Variants in PLEC observed in about 807,000 individuals in gnomAD.
PLEC encodes hemidesmosomal protein 1.
A neutral mutation model predicts 392.8 loss-of-function variants in PLEC; 216 were observed. That is an observed-to-expected ratio of 0.55 (90% CI 0.49 to 0.62). PLEC has a LOEUF of 0.62. PLEC is among the 20% of genes least tolerant of loss of function. PLEC has a pLI of 0.00. For synonymous variants in PLEC, 3,621 were observed against 2,980.6 expected (o/e 1.21, Z -7.00); for missense variants, 6,863 against 6,563.4 (o/e 1.05, Z -1.58).
At chr8:143,953,910 A>G, upstream of PLEC, 1 of 1,469,192 alleles carries the variant, frequency 6.8e-7, no homozygotes, top group Non-Finnish European at 9.0e-7. Flanking sequence ...GCGGGGCTTC[A>G]GCTGATCAAT....
chr8:143,938,621 C>A lies in PLEC; in HGVS notation c.174+10G>T. The A allele has an allele frequency of 1.2e-6, 2 of 1,606,088 alleles. No individual in the cohort carries two copies. Among genetic ancestry groups the A allele is most frequent in the Middle Eastern group, 1.7e-4 (1 of 6,034 alleles). ...AGCCCCTGTGACACGCACCAGCATG[C>A]GCCACCAACCTTGATGAGGTGCTTG... On this transcript the variant is annotated intron_variant, in intron 2 of 31. Coordinates refer to ENST00000345136, the MANE Select transcript of PLEC (RefSeq NM_201384.3).
Position 143,916,204 on chromosome 8 carries a change from C to T in PLEC, c.13617G>A (p.Leu4539=). ...AGGCCACGGCAGACTCAGGGCCCCCCAGGGAGGCCGAGGACCCCGAGGCGT... is the reference window on the plus strand; with the variant it reads ...AGGCCACGGCAGACTCAGGGCCCCCTAGGGAGGCCGAGGACCCCGAGGCGT... The part of the protein sequence containing the change: ...RRYASGSSAS[L]GGPESAVA The change falls in exon 32 of 32, where the codon CTG becomes CTA. Residue 4539 remains leucine (L), a synonymous_variant. Coordinates refer to ENST00000345136, the MANE Select transcript of PLEC (RefSeq NM_201384.3). 6.5e-7 allele frequency: 1 copy of T among 1,544,068 alleles called. No homozygotes were observed. The highest frequency in any genetic ancestry group is 8.7e-7 in the Non-Finnish European group (1 of 1,144,678).
intron 1 of PLEC, chr8:143,946,263 G>A (rs1267375786): frequency 6.9e-6 from 7 of 1,014,350 alleles, no homozygotes; most frequent in East Asian, 6.0e-5. Context: ...GGCACAGAAC[G>A]GTGGACAACG....
intron 1 of PLEC, among the ~76,000 whole-genome samples, chr8:143,971,683 C>T (rs1029792793): frequency 2.0e-5 from 3 of 152,170 alleles, no homozygotes; most frequent in Admixed American, 1.3e-4. Flanking sequence ...GGTGTGCTCA[C>T]GGAGCCTCAG....
rs782639127 is a variant in PLEC at position 143,923,111 on chromosome 8, ATCT to A, written c.6815_6817del (p.Lys2272del). 6 of 1,604,986 alleles carry A rather than the reference ATCT, an allele frequency of 3.7e-6. No individual in the cohort carries two copies. The highest frequency in any genetic ancestry group is 5.1e-6 in the Non-Finnish European group (6 of 1,179,776). On this transcript the variant is annotated inframe_deletion, in exon 31 of 32. Coordinates refer to ENST00000345136, the MANE Select transcript of PLEC (RefSeq NM_201384.3). Reference sequence around the variant, plus strand: ...CGCGGCCTCCTCCGCCACCTGCTTCATCTTCTCAGCCTCCTCCTGCAGGAAGCG... The same window carrying A: ...CGCGGCCTCCTCCGCCACCTGCTTCATCTCAGCCTCCTCCTGCAGGAAGCG...
chr8:143,932,244 G>A lies in PLEC; in HGVS notation c.1978-10C>T, dbSNP rs1426908459. On this transcript the variant is annotated splice_polypyrimidine_tract_variant and intron_variant, in intron 16 of 31. Coordinates refer to ENST00000345136, the MANE Select transcript of PLEC (RefSeq NM_201384.3). ...GCTCCCGCATCAGCGCCTGGCACCAGAGCAAAGGGTCTCAGGGACGGCCGG... is the reference window on the plus strand; with the variant it reads ...GCTCCCGCATCAGCGCCTGGCACCAAAGCAAAGGGTCTCAGGGACGGCCGG... The A allele has an allele frequency of 6.2e-7, 1 of 1,611,818 alleles. No individual in the cohort carries two copies. The highest frequency in any genetic ancestry group is 1.3e-5 in the African/African-American group (1 of 74,914).
chr8:143,937,197 G>A lies in PLEC; in HGVS notation c.310C>T (p.Gln104Ter). Residue 104 changes from glutamine (Q) to a stop codon, truncating the protein, a stop_gained, in exon 4 of 32, where the codon CAG becomes TAG. Coordinates refer to ENST00000345136, the MANE Select transcript of PLEC (RefSeq NM_201384.3). LOFTEE classifies it high-confidence loss of function. The part of the protein sequence containing the change: ...RMRFHKLQNV[Q>*]IALDYLRHRQ... Reference sequence around the variant, plus strand: ...TGCCGGAGGTAGTCCAGGGCAATCTGGACATTCTGCAGCTTGTGGAAACGC... The same window carrying A: ...TGCCGGAGGTAGTCCAGGGCAATCTAGACATTCTGCAGCTTGTGGAAACGC... 1 of 1,612,760 alleles carries A rather than the reference G, an allele frequency of 6.2e-7. No individual in the cohort carries two copies.
In PLEC at chr8:143,935,049, G is replaced by C. The variant is rs1354925991; in HGVS notation, c.787C>G (p.Pro263Ala). The C allele has an allele frequency of 1.9e-6, 3 of 1,612,712 alleles. No individual in the cohort carries two copies. Among genetic ancestry groups the C allele is most frequent in the Non-Finnish European group, 2.5e-6 (3 of 1,179,930 alleles). The change falls in exon 8 of 32, where the codon CCC (proline) becomes GCC (alanine). Residue 263 changes from proline (P) to alanine (A), a missense_variant. By Grantham distance (27) the Pro-to-Ala change is conservative (BLOSUM62 -1). Transcript: ENST00000345136. ...TYVSSLYDAM[P>A]RVPDVQDGVR... is the part of the protein sequence containing the mutation. ...CCATCCTGCACGTCCGGCACGCGGG[G>C]CATGGCGTCATACAGCGACGAGACG...
rs1554716110 is a variant in PLEC, at chr8:143,932,020, C to T, written c.2095G>A (p.Ala699Thr). The T allele has an allele frequency of 1.9e-6, 3 of 1,602,076 alleles. No homozygotes were observed. The highest frequency in any genetic ancestry group is 2.2e-5 in the East Asian group (1 of 44,644). ...ARPTVESFQA[A>T]LQTQWSWMLQ... ...ATCCAGCTCCACTGCGTCTGCAGGGCCGCCTGGAAGGACTGCGGGACAGCA... is the reference window on the plus strand; with the variant it reads ...ATCCAGCTCCACTGCGTCTGCAGGGTCGCCTGGAAGGACTGCGGGACAGCA... Residue 699 changes from alanine (A) to threonine (T), a missense_variant, in exon 18 of 32, where the codon GCC (alanine) becomes ACC (threonine). Transcript: ENST00000345136.
chr8:143,925,192 C>T lies in PLEC; in HGVS notation c.4737G>A (p.Gln1579=). The T allele has an allele frequency of 6.3e-7, 1 of 1,583,268 alleles. No individual in the cohort carries two copies. Among genetic ancestry groups the T allele is most frequent in the Non-Finnish European group, 8.5e-7 (1 of 1,173,106 alleles). Residue 1579 remains glutamine (Q), a synonymous_variant, in exon 31 of 32, where the codon CAG becomes CAA. Coordinates refer to ENST00000345136, the MANE Select transcript of PLEC (RefSeq NM_201384.3). ...TAQRSAEAEL[Q]SKRASFAEKT... ...TCTCGGCGAAGGAGGCGCGTTTGCT[C>T]TGCAGCTCCGCCTCTGCACTGCGCT...
intron 17 of PLEC, 44 bp downstream of exon 17, chr8:143,932,086 G>A: frequency 6.4e-7 from 1 of 1,568,576 alleles, no homozygotes; most frequent in Non-Finnish European, 8.6e-7. Flanking sequence ...TGGGGACCCG[G>A]CACGGCCCCC....
chr8:143,918,294 C>T lies in PLEC; in HGVS notation c.11527G>A (p.Val3843Met), dbSNP rs973416404. Reference protein sequence around the residue: ...THDQLSEPSEVRSYVDPSTDE... With the variant: ...THDQLSEPSEMRSYVDPSTDE... ...GTGGACGGGTCCACGTAGCTGCGCA[C>T]CTCGCTGGGCTCTGACAGCTGGTCG... The change falls in exon 32 of 32, where the codon GTG becomes ATG. Residue 3843 changes from valine (V) to methionine (M), a missense_variant. Transcript: ENST00000345136. The T allele has an allele frequency of 1.3e-6, 2 of 1,592,176 alleles. No individual in the cohort carries two copies. Among genetic ancestry groups the T allele is most frequent in the South Asian group, 1.1e-5 (1 of 90,160 alleles).
At chr8:143,960,770 C>T (rs782175896) in intron 1 of PLEC, among the ~76,000 whole-genome samples, 8 of 152,336 alleles carry the variant, frequency 5.3e-5, no homozygotes, top group Middle Eastern at 3.4e-3. Context: ...TGTCTCCCCC[C>T]ACCCACACAC....
chr8:143,933,909 G>A, intron 12 of PLEC, 89 bp downstream of exon 12: 2 of 1,193,948 alleles, frequency 1.7e-6, no homozygotes. Context: ...GAGCCCAGGG[G>A]GACAGCCCCC....
chr8:143,974,585 G>A (rs782704623), upstream of PLEC, among the ~76,000 whole-genome samples: 11 of 152,174 alleles, frequency 7.2e-5, no homozygotes. This position sits in a 1 kb window ranked among gnomAD's most constrained non-coding sequence, Gnocchi z 5.9. Context: ...TCCCGCAGGG[G>A]CCTCCCTGCC....
upstream of PLEC, chr8:143,939,702 G>T: frequency 7.5e-7 from 1 of 1,334,156 alleles, no homozygotes; most frequent in Non-Finnish European, 9.7e-7. Flanking sequence ...GTGTCCCGGC[G>T]GGAAGGAGCA....
At position 143,950,664 on chromosome 8, in the gene PLEC, TG is replaced by T. The variant is rs1554735851; in HGVS notation, c.42del (p.Ile15SerfsTer10). The T allele has an allele frequency of 1.3e-6, 2 of 1,581,320 alleles. No homozygotes were observed. The highest frequency in any genetic ancestry group is 2.7e-5 in the African/African-American group (2 of 74,780). ...CCCTCGCGGAAGAGCACCTCATAGA[TG>T]GCCCGCAGCTGGTCCCGTGGCATGA... On this transcript the variant is annotated frameshift_variant, in exon 1 of 32. Coordinates refer to the PLEC transcript ENST00000322810. LOFTEE classifies it high-confidence loss of function.
intron 19 of PLEC, 21 bp downstream of exon 19, chr8:143,931,513 C>G: frequency 6.4e-7 from 1 of 1,556,998 alleles, no homozygotes; most frequent in Non-Finnish European, 8.7e-7. Context: ...CTGACACGCC[C>G]CTGCACACCC....
intron 1 of PLEC, among the ~76,000 whole-genome samples, chr8:143,968,865 A>G (rs1330331217): frequency 6.6e-6 from 1 of 152,234 alleles, no homozygotes; most frequent in Admixed American, 6.5e-5. Flanking sequence ...AGTGTTGGTG[A>G]GGATGTGAGG....
Sources: gnomAD v4.1 joint callset for allele counts (sites outside exome capture counted in the v4.1 genomes callset) on GRCh38, gnomAD v4.1.1 for gene constraint, Gnocchi (gnomAD v3.1) non-coding constraint, MANE v1.5 for transcripts, NCBI Gene and HGNC (gene_info 2026-07-23, HGNC 2026-07-21) for gene names.